The following LINGO2 variants were observed in gnomAD, a reference collection of about 807,000 sequenced individuals.
LINGO2 encodes the protein leucine rich repeat and Ig domain containing 2, also known as leucine-rich repeat and immunoglobulin-like domain-containing nogo receptor-interacting protein 2.
Under a neutral mutation model 30.6 loss-of-function variants are expected in LINGO2, and 14 were observed. That is an observed-to-expected ratio of 0.46 (90% CI 0.30 to 0.72). LINGO2 has a LOEUF of 0.72. LINGO2 is among the 30% of genes least tolerant of loss of function. The pLI is 0.07. For missense variants in LINGO2, 729 were observed against 751.7 expected, an observed-to-expected ratio of 0.97 and a Z score of 0.35; for synonymous variants, 317 against 288.5, an observed-to-expected ratio of 1.10 and a Z score of -1.00.
the LINGO2 span, among the ~76,000 whole-genome samples, chr9:29,076,189 G>A: frequency 1.3e-5 from 2 of 151,894 alleles, no homozygotes; most frequent in Non-Finnish European, 1.5e-5. Flanking sequence ...AAAAACATTC[G>A]TTAAGACACT....
chr9:28,637,798 T>C (rs980267694), intron 1 of LINGO2, among the ~76,000 whole-genome samples: 3 of 152,156 alleles, frequency 2.0e-5, no homozygotes, highest in Non-Finnish European at 2.9e-5. Flanking sequence ...CTTTTCCTAA[T>C]TGAATACCCT....
chr9:28,352,885 A>G (rs1819965702), intron 3 of LINGO2, among the ~76,000 whole-genome samples: 1 of 150,032 alleles, frequency 6.7e-6, no homozygotes, highest in Non-Finnish European at 1.5e-5. Context: ...AAACCTGAGA[A>G]AAACAAGCAA....
In LINGO2 at chr9:27,974,453, G is replaced by A. The variant is rs560742647; in HGVS notation, c.-35-23747C>T. On this transcript the variant is annotated intron_variant, in intron 5 of 5. Transcript: ENST00000379992. ...GGTAGCAATGTCTGAAAAACACAGC[G>A]CAGAGTCACCTTCCTATTGAGTCAC... Among the ~76,000 whole-genome samples the A allele has an allele frequency of 1.8e-4, 28 of 152,182 alleles. 1 individual carries two copies. The highest frequency in any genetic ancestry group is 4.1e-4 in the South Asian group (2 of 4,826).
chr9:28,032,313 T>G (rs1436653145), intron 4 of LINGO2, among the ~76,000 whole-genome samples: 1 of 152,202 alleles, frequency 6.6e-6, no homozygotes, highest in African/African-American at 2.4e-5. Flanking sequence ...GCGCACACAC[T>G]GCCTGCCCTC....
At chr9:29,074,601 C>T in the LINGO2 span, among the ~76,000 whole-genome samples, 1 of 151,242 alleles carries the variant, frequency 6.6e-6, no homozygotes, top group African/African-American at 2.4e-5. Flanking sequence ...TAGCATGTAT[C>T]AGATTTCATC....
the LINGO2 span, among the ~76,000 whole-genome samples, chr9:29,141,166 T>G: frequency 6.6e-6 from 1 of 152,016 alleles, no homozygotes; most frequent in African/African-American, 2.4e-5. Flanking sequence ...CAGTAGTATG[T>G]AAATAACTTT....
the LINGO2 span, among the ~76,000 whole-genome samples, chr9:29,163,808 TA>T: frequency 6.6e-6 from 1 of 152,164 alleles, no homozygotes; most frequent in East Asian, 1.9e-4. Flanking sequence ...ATAGATTTTT[TA>T]ATAGTAAGTC....
the LINGO2 span, among the ~76,000 whole-genome samples, chr9:28,785,483 A>G: frequency 6.6e-5 from 10 of 152,250 alleles, no homozygotes; most frequent in East Asian, 1.5e-3. Flanking sequence ...CGCTTTGCTT[A>G]TTGATTTATT....
the LINGO2 span, among the ~76,000 whole-genome samples, chr9:28,688,947 C>T: frequency 1.2e-4 from 18 of 152,120 alleles, no homozygotes; most frequent in African/African-American, 3.1e-4. Context: ...GGCAGCCCCC[C>T]GATCCTCATC....
intron 2 of LINGO2, among the ~76,000 whole-genome samples, chr9:28,471,415 T>G (rs1379139054): frequency 6.6e-6 from 1 of 152,172 alleles, no homozygotes; most frequent in African/African-American, 2.4e-5. Context: ...AGAACATACT[T>G]ATTCCCTCAA....
the LINGO2 span, among the ~76,000 whole-genome samples, chr9:29,127,321 G>A: frequency 6.6e-6 from 1 of 152,128 alleles, no homozygotes; most frequent in African/African-American, 2.4e-5. Flanking sequence ...ATGACTTGTA[G>A]TCAAGACCCT....
intron 1 of LINGO2, among the ~76,000 whole-genome samples, chr9:28,550,988 A>C (rs972221746): frequency 6.6e-6 from 1 of 151,904 alleles, no homozygotes; most frequent in Non-Finnish European, 1.5e-5. Context: ...TCCAGCATGA[A>C]TACAAATGAG....
intron 1 of LINGO2, among the ~76,000 whole-genome samples, chr9:28,662,642 C>A (rs1047909420): frequency 1.3e-5 from 2 of 152,104 alleles, no homozygotes; most frequent in Non-Finnish European, 2.9e-5. Context: ...AACTTAATCT[C>A]TTTAGCCCTC....
intron 4 of LINGO2, among the ~76,000 whole-genome samples, chr9:28,252,685 G>C (rs1822247047): frequency 1.3e-5 from 2 of 151,726 alleles, no homozygotes; most frequent in Admixed American, 1.3e-4. Flanking sequence ...ATATATAATA[G>C]TATCAGAAAA....
At chr9:28,025,588 A>G (rs899471351) in intron 4 of LINGO2, among the ~76,000 whole-genome samples, 5 of 152,296 alleles carry the variant, frequency 3.3e-5, no homozygotes, top group African/African-American at 1.2e-4. Flanking sequence ...GTTTTTCTCA[A>G]AAGGAGTCAA....
intron 1 of LINGO2, among the ~76,000 whole-genome samples, chr9:28,503,453 C>T (rs934899345): frequency 6.6e-6 from 1 of 151,992 alleles, no homozygotes; most frequent in Non-Finnish European, 1.5e-5. Context: ...CATTTAGCAT[C>T]ACCTTTAGGG....
chr9:28,476,844 A>T (rs941549724), intron 1 of LINGO2, among the ~76,000 whole-genome samples: 1 of 152,258 alleles, frequency 6.6e-6, no homozygotes, highest in African/African-American at 2.4e-5. Flanking sequence ...CAAAAACAGT[A>T]ATGATTAATT....
At chr9:28,776,638 G>A in the LINGO2 span, among the ~76,000 whole-genome samples, 6 of 152,114 alleles carry the variant, frequency 3.9e-5, no homozygotes, top group South Asian at 8.3e-4. Flanking sequence ...TTAAGGGCAC[G>A]ATGCATACCA....
intron 4 of LINGO2, among the ~76,000 whole-genome samples, chr9:28,156,326 C>G (rs1236200832): frequency 6.6e-6 from 1 of 152,170 alleles, no homozygotes; most frequent in African/African-American, 2.4e-5. Flanking sequence ...TAACCCCATT[C>G]TAAGGAATGG....
Sources: allele counts gnomAD v4.1 joint callset (sites outside exome capture counted in the v4.1 genomes callset), GRCh38; gene constraint gnomAD v4.1.1; transcripts MANE v1.5; gene names NCBI Gene and HGNC (gene_info 2026-07-23, HGNC 2026-07-21).